Variants in EHD4 observed in about 807,000 individuals in gnomAD.
EHD4 encodes EH domain-containing protein 4.
EHD4 carries 37 observed loss-of-function variants against 51.0 expected under a neutral mutation model. The observed-to-expected ratio is 0.73, with a 90% CI of 0.56 to 0.95. The LOEUF (loss-of-function observed/expected upper bound fraction) is 0.95, where lower values mean the gene tolerates loss of function less well. Ranked by LOEUF, EHD4 falls within the 40% of genes least tolerant of loss-of-function variation. EHD4 has a pLI of 0.00. For synonymous variants in EHD4, 297 were observed against 317.3 expected, an observed-to-expected ratio of 0.94 and a Z score of 0.68; for missense variants, 632 against 733.1, an observed-to-expected ratio of 0.86 and a Z score of 1.59.
chr15:41,929,836 T>C (rs2067686822), intron 3 of EHD4, among the ~76,000 whole-genome samples: 1 of 152,188 alleles, frequency 6.6e-6, no homozygotes, highest in African/African-American at 2.4e-5. Context: ...GGAAAATCGA[T>C]TTAGCTCAGC....
intron 2 of EHD4, among the ~76,000 whole-genome samples, chr15:41,945,451 C>T (rs573796213): frequency 3.9e-5 from 6 of 152,238 alleles, no homozygotes; most frequent in East Asian, 1.9e-4. Flanking sequence ...GGCATACAAG[C>T]GGGCAAAGCG....
chr15:41,908,026 C>T (rs564110577), intron 5 of EHD4, among the ~76,000 whole-genome samples: 17 of 151,982 alleles, frequency 1.1e-4, no homozygotes, highest in African/African-American at 1.7e-4. Context: ...CCACCACACC[C>T]GGCTAATTTT....
intron 5 of EHD4, 32 bp downstream of exon 5, chr15:41,909,667 C>G: frequency 6.2e-7 from 1 of 1,612,612 alleles, no homozygotes; most frequent in South Asian, 1.1e-5. Flanking sequence ...CCTCTGCCCT[C>G]TGCCCGTGAC....
At chr15:41,915,267 G>T (rs562339269) in intron 4 of EHD4, among the ~76,000 whole-genome samples, 1 of 152,140 alleles carries the variant, frequency 6.6e-6, no homozygotes, top group African/African-American at 2.4e-5. Flanking sequence ...TAGTAGAGAC[G>T]GGGTTTCACC....
Position 41,919,415 on chromosome 15 carries a change from A to G in EHD4, c.719T>C (p.Met240Thr). 1 of 1,600,292 alleles carries G rather than the reference A, an allele frequency of 6.2e-7. No homozygotes were observed. Among genetic ancestry groups the G allele is most frequent in the South Asian group, 1.1e-5 (1 of 89,128 alleles). ...QQLMRVYGAL[M>T]WSLGKVINTP... The stretch of plus-strand genomic sequence containing the variant: ...GTTGATGACCTTGCCTAGGGACCAC[A>G]TGAGGGCCCCGTAGACCCGCATCAG... Residue 240 changes from methionine to threonine, a missense_variant, in exon 4 of 6, where the codon ATG (methionine) becomes ACG (threonine). Met to Thr is a moderately conservative substitution (Grantham distance 81). Coordinates refer to ENST00000220325, the MANE Select transcript of EHD4 (RefSeq NM_139265.4).
intron 3 of EHD4, chr15:41,928,313 C>T (rs961714990): frequency 6.6e-6 from 1 of 152,130 alleles, no homozygotes; most frequent in African/African-American, 2.4e-5. Flanking sequence ...TGCAACAATC[C>T]CATGAAGTAG....
At chr15:41,915,456 C>T (rs1021015321) in intron 4 of EHD4, among the ~76,000 whole-genome samples, 2 of 152,210 alleles carry the variant, frequency 1.3e-5, no homozygotes, top group African/African-American at 4.8e-5. Context: ...CTAAATTCCA[C>T]AGAACTACAG....
At chr15:41,904,189 A>G (rs963222064) in intron 5 of EHD4, among the ~76,000 whole-genome samples, 1 of 152,184 alleles carries the variant, frequency 6.6e-6, no homozygotes, top group African/African-American at 2.4e-5. Flanking sequence ...AAGGAGGGTG[A>G]TGCCTGCCCA....
intron 5 of EHD4, among the ~76,000 whole-genome samples, chr15:41,902,241 CTCCATCCATCCATCCATCCATCCATCCA>C (rs56023420): frequency 6.8e-6 from 1 of 146,198 alleles, no homozygotes; most frequent in Non-Finnish European, 1.5e-5. Flanking sequence ...TCCTTGGTTA[CTCCATCCATCCATCCATCCATCCATCCA>C]TCCATCCATC....
intron 2 of EHD4, among the ~76,000 whole-genome samples, chr15:41,950,290 A>G (rs1290604763): frequency 6.6e-6 from 1 of 152,156 alleles, no homozygotes; most frequent in East Asian, 1.9e-4. Context: ...ATCACCTGGT[A>G]CTTAACTCTT....
intron 1 of EHD4, among the ~76,000 whole-genome samples, chr15:41,969,353 C>G (rs1018846753): frequency 2.0e-5 from 3 of 152,128 alleles, no homozygotes; most frequent in Non-Finnish European, 2.9e-5. Context: ...TTGAGACCAG[C>G]CTGACCAACA....
At chr15:41,904,817 G>C (rs2067502071) in intron 5 of EHD4, among the ~76,000 whole-genome samples, 1 of 152,250 alleles carries the variant, frequency 6.6e-6, no homozygotes, top group South Asian at 2.1e-4. Context: ...TTGTCCTGCA[G>C]TATTAACACT....
At chr15:41,923,085 A>G (rs1273912328) in intron 3 of EHD4, among the ~76,000 whole-genome samples, 1 of 152,208 alleles carries the variant, frequency 6.6e-6, no homozygotes, top group Non-Finnish European at 1.5e-5. Context: ...GTGGCATTAA[A>G]TAAGTCACAT....
intron 1 of EHD4, among the ~76,000 whole-genome samples, chr15:41,956,175 A>G (rs889765462): frequency 1.2e-4 from 19 of 152,232 alleles, no homozygotes; most frequent in Non-Finnish European, 1.9e-4. Context: ...GACGGCCTAC[A>G]AAAGGTCACA....
At chr15:41,943,006 G>T in intron 3 of EHD4, 61 bp downstream of exon 3, 2 of 1,407,728 alleles carry the variant, frequency 1.4e-6, no homozygotes, top group Non-Finnish European at 2.0e-6. Context: ...GAAATCCTCT[G>T]CTCACAGCAG....
chr15:41,949,691 G>A (rs1315915351), intron 2 of EHD4, among the ~76,000 whole-genome samples: 1 of 152,122 alleles, frequency 6.6e-6, no homozygotes, highest in African/African-American at 2.4e-5. Flanking sequence ...AAGTACATGA[G>A]ATTAAGAATT....
At chr15:41,940,314 T>G (rs528530887) in intron 3 of EHD4, among the ~76,000 whole-genome samples, 1 of 152,334 alleles carries the variant, frequency 6.6e-6, no homozygotes, top group African/African-American at 2.4e-5. Context: ...TATTATCCCA[T>G]GTTGACATTA....
intron 1 of EHD4, among the ~76,000 whole-genome samples, chr15:41,964,724 G>T (rs1268832840): frequency 6.7e-6 from 1 of 149,024 alleles, no homozygotes; most frequent in African/African-American, 2.5e-5. Flanking sequence ...AAAAAAGAAA[G>T]ATAGATACAT....
intron 1 of EHD4, among the ~76,000 whole-genome samples, chr15:41,957,532 G>A (rs1261626342): frequency 6.6e-6 from 1 of 152,070 alleles, no homozygotes; most frequent in East Asian, 1.9e-4. Context: ...CTTTACAAGC[G>A]ACAAGACTGA....
Sources: allele counts gnomAD v4.1 joint callset (sites outside exome capture counted in the v4.1 genomes callset), GRCh38; gene constraint gnomAD v4.1.1; transcripts MANE v1.5; gene names NCBI Gene and HGNC (gene_info 2026-07-23, HGNC 2026-07-21).